The following ADD3 variants were observed in gnomAD, a reference collection of about 807,000 sequenced individuals.
The protein encoded by ADD3 is gamma-adducin.
Under a neutral mutation model 80.2 loss-of-function variants are expected in ADD3, and 25 were observed. That is an observed-to-expected ratio of 0.31 (90% confidence interval 0.23 to 0.44). The LOEUF (loss-of-function observed/expected upper bound fraction) is 0.44. ADD3 is among the 20% of genes least tolerant of loss of function. The pLI is 1.00. For missense variants in ADD3, 829 were observed against 847.5 expected (o/e 0.98, Z 0.27); for synonymous variants, 284 against 289.6 (o/e 0.98, Z 0.20).
chr10:110,131,626 G>A (rs1296292402), intron 13 of ADD3, among the ~76,000 whole-genome samples: 1 of 152,200 alleles, frequency 6.6e-6, no homozygotes, highest in East Asian at 1.9e-4. Context: ...TCACAAAAGG[G>A]AGTTGTCCTG....
intron 1 of ADD3, among the ~76,000 whole-genome samples, chr10:110,091,339 A>C (rs907370640): frequency 6.6e-6 from 1 of 152,216 alleles, no homozygotes; most frequent in Non-Finnish European, 1.5e-5. Context: ...TTGTGAGAAG[A>C]ACCTTTGGTA....
At chr10:110,073,179 G>A (rs2481107) in intron 1 of ADD3, among the ~76,000 whole-genome samples, 1,715 of 118,356 alleles carry the variant, frequency 0.014, 37 homozygotes, top group African/African-American at 0.054. Context: ...GTCTAGCTCT[G>A]TCACCCAGGC....
At chr10:110,063,755 ATAT>A (rs1330445544) in intron 1 of ADD3, among the ~76,000 whole-genome samples, 1 of 64,756 alleles carries the variant, frequency 1.5e-5, no homozygotes, top group African/African-American at 4.1e-5. Context: ...ATATATATAT[ATAT>A]ATATATATAT....
At chr10:109,999,118 G>C (rs931638561) in intron 1 of ADD3, among the ~76,000 whole-genome samples, 7 of 152,118 alleles carry the variant, frequency 4.6e-5, no homozygotes, top group Non-Finnish European at 7.4e-5. Flanking sequence ...TGGAAGTGTG[G>C]CAACTTAAAC....
intron 8 of ADD3, among the ~76,000 whole-genome samples, chr10:110,120,140 T>C (rs1851276337): frequency 6.6e-6 from 1 of 151,338 alleles, no homozygotes; most frequent in South Asian, 2.1e-4. Context: ...TAGTTACATA[T>C]GTATACATGT....
At chr10:110,095,848 A>T (rs1450864055) in intron 1 of ADD3, among the ~76,000 whole-genome samples, 1 of 152,214 alleles carries the variant, frequency 6.6e-6, no homozygotes, top group Non-Finnish European at 1.5e-5. Context: ...GAAAAAAGCC[A>T]ATCCCCAAAG....
At chr10:110,013,599 G>A (rs1326044198) in intron 1 of ADD3, among the ~76,000 whole-genome samples, 7 of 152,296 alleles carry the variant, frequency 4.6e-5, no homozygotes, top group Middle Eastern at 3.4e-3. Flanking sequence ...TAAAATAACA[G>A]TGATCACAGA....
rs535223748 is a variant in ADD3, at chr10:110,049,351, G to A, written c.-30+41052G>A. Among the ~76,000 whole-genome samples, 18 of 152,328 alleles carry A rather than the reference G, an allele frequency of 1.2e-4. No individual in the cohort carries two copies. In the South Asian group the frequency reaches 3.5e-3, roughly 30 times the overall value. Reference sequence around the variant, plus strand: ...ACAGTTCCCACTGGGGTGCTGCCTAGTGGAGCTGTGAGAAGAGGGCCACTG... The same window carrying A: ...ACAGTTCCCACTGGGGTGCTGCCTAATGGAGCTGTGAGAAGAGGGCCACTG... On this transcript the variant is annotated intron_variant, in intron 1 of 14. Transcript: ENST00000356080.
intron 1 of ADD3, among the ~76,000 whole-genome samples, chr10:110,070,664 AATCTATC>A (rs1844566469): frequency 6.6e-6 from 1 of 152,156 alleles, no homozygotes; most frequent in Non-Finnish European, 1.5e-5. Flanking sequence ...GTATATAGCA[AATCTATC>A]AACCATTGAG....
At chr10:110,040,252 T>G (rs948705336) in intron 1 of ADD3, among the ~76,000 whole-genome samples, 5 of 152,168 alleles carry the variant, frequency 3.3e-5, no homozygotes, top group African/African-American at 7.2e-5. Flanking sequence ...TGAATGAGGT[T>G]TGGGTGAGAA....
At chr10:110,042,578 A>G (rs1307788080) in intron 1 of ADD3, among the ~76,000 whole-genome samples, 1 of 152,152 alleles carries the variant, frequency 6.6e-6, no homozygotes, top group African/African-American at 2.4e-5. Context: ...TAATCAGGAA[A>G]TAGTCTAATA....
At chr10:110,016,262 T>C (rs1177668163) in intron 1 of ADD3, among the ~76,000 whole-genome samples, 1 of 152,184 alleles carries the variant, frequency 6.6e-6, no homozygotes, top group Non-Finnish European at 1.5e-5. Flanking sequence ...AGCCAGTTCC[T>C]GGAGAAACCA....
chr10:110,006,483 G>A (rs1381574265), upstream of ADD3, among the ~76,000 whole-genome samples: 1 of 152,072 alleles, frequency 6.6e-6, no homozygotes, highest in African/African-American at 2.4e-5. Flanking sequence ...CAAATAAAAT[G>A]TCAGGCTGAG....
In ADD3 at chr10:110,026,837, T is replaced by G. The variant is rs554561925; in HGVS notation, c.-30+18538T>G. 3.9e-5 allele frequency among the ~76,000 whole-genome samples: 6 copies of G among 152,166 alleles called. No individual in the cohort carries two copies. In the South Asian group the frequency reaches 1.2e-3, roughly 32 times the overall value. ...AGATTTTGGTTTGTAGAGAATAATA[T>G]GTCAGTTAAGCAGAAATTTCAGTGA... On this transcript the variant is annotated intron_variant, in intron 1 of 14. Coordinates refer to ENST00000356080, the MANE Select transcript of ADD3 (RefSeq NM_016824.5).
chr10:110,012,857 C>T (rs980312659), intron 1 of ADD3, among the ~76,000 whole-genome samples: 1 of 152,098 alleles, frequency 6.6e-6, no homozygotes, highest in Admixed American at 6.5e-5. Flanking sequence ...CCTCAGCCTC[C>T]CAGGTAGCTG....
At chr10:110,027,085 A>G (rs1412264452) in intron 1 of ADD3, among the ~76,000 whole-genome samples, 1 of 152,252 alleles carries the variant, frequency 6.6e-6, no homozygotes, top group Non-Finnish European at 1.5e-5. Flanking sequence ...TCATGAAAGT[A>G]TATGAAACCA....
intron 1 of ADD3, among the ~76,000 whole-genome samples, chr10:110,057,840 A>G (rs1858395260): frequency 6.6e-6 from 1 of 152,242 alleles, no homozygotes; most frequent in South Asian, 2.1e-4. Flanking sequence ...TGATTCTTTG[A>G]AATAATCCAT....
At chr10:110,117,699 TTTGTGTAAAAAAA>T (rs1441800880) in intron 5 of ADD3, among the ~76,000 whole-genome samples, 27 of 151,346 alleles carry the variant, frequency 1.8e-4, no homozygotes, top group African/African-American at 5.6e-4. Context: ...CACTCAGAAA[TTTGTGTAAAAAAA>T]TTGTGTAAAA....
chr10:110,082,202 C>T (rs1256865768), intron 1 of ADD3, among the ~76,000 whole-genome samples: 2 of 151,210 alleles, frequency 1.3e-5, no homozygotes, highest in African/African-American at 2.5e-5. Context: ...AGTGTCATGA[C>T]TAAGCCAATA....
Sources: allele counts gnomAD v4.1 joint callset (sites outside exome capture counted in the v4.1 genomes callset), GRCh38; gene constraint gnomAD v4.1.1; transcripts MANE v1.5; gene names NCBI Gene and HGNC (gene_info 2026-07-23, HGNC 2026-07-21).